CTNNA2: variants seen among roughly 807,000 people sequenced by gnomAD.
The protein encoded by CTNNA2 is catenin alpha-2.
A neutral mutation model predicts 101.0 loss-of-function variants in CTNNA2; 42 were observed. That is an observed-to-expected ratio of 0.42 (90% CI 0.32 to 0.54). CTNNA2 has a LOEUF of 0.54. CTNNA2 is among the 20% of genes least tolerant of loss of function. The pLI is 0.14. For missense variants in CTNNA2, 871 were observed against 1,223.1 expected (o/e 0.71, Z 4.29); for synonymous variants, 450 against 456.4 (o/e 0.99, Z 0.18).
Position 80,366,486 on chromosome 2 carries a change from T to A in CTNNA2, c.1057-26725T>A, listed in dbSNP as rs140726660. On this transcript the variant is annotated intron_variant, in intron 7 of 18. Transcript: ENST00000402739. The stretch of plus-strand genomic sequence containing the variant: ...CGCATTTGCATATTTGATAACTTTT[T>A]TAGGGGCAAATTCAAGGCCTGGTGT... Among the ~76,000 whole-genome samples the A allele has an allele frequency of 7.9e-5, 12 of 152,254 alleles. 1 individual carries two copies. In the East Asian group the frequency reaches 2.1e-3, roughly 27 times the overall value.
At chr2:79,295,005 G>GTGTT (rs1675943461) in intron 2 of CTNNA2, among the ~76,000 whole-genome samples, 1 of 146,040 alleles carries the variant, frequency 6.8e-6, no homozygotes, top group South Asian at 2.1e-4. Flanking sequence ...ATGTGTGTGT[G>GTGTT]TGTGTGTGTA....
At chr2:79,455,080 A>G (rs1488671349) in intron 4 of CTNNA2, among the ~76,000 whole-genome samples, 1 of 152,198 alleles carries the variant, frequency 6.6e-6, no homozygotes, top group Non-Finnish European at 1.5e-5. Flanking sequence ...TAGAACAGTA[A>G]AAAATAAAGG....
chr2:80,128,069 G>A (rs1702231301), intron 7 of CTNNA2, among the ~76,000 whole-genome samples: 1 of 151,932 alleles, frequency 6.6e-6, no homozygotes, highest in Non-Finnish European at 1.5e-5. Flanking sequence ...ATTCTTCTCG[G>A]GGGCAATGAT....
chr2:79,836,983 A>G (rs11895149), intron 3 of CTNNA2, among the ~76,000 whole-genome samples: 4,434 of 152,244 alleles, frequency 0.029, 226 homozygotes, highest in African/African-American at 0.1. Flanking sequence ...TATATCTACA[A>G]AGACCCCTGT....
intron 7 of CTNNA2, among the ~76,000 whole-genome samples, chr2:80,087,668 A>G (rs1394340903): frequency 6.6e-6 from 1 of 152,054 alleles, no homozygotes; most frequent in Non-Finnish European, 1.5e-5. Flanking sequence ...TAATGTGCAT[A>G]TACATCACCT....
chr2:79,733,733 C>A (rs1687344878), intron 2 of CTNNA2, among the ~76,000 whole-genome samples: 1 of 151,978 alleles, frequency 6.6e-6, no homozygotes, highest in South Asian at 2.1e-4. Flanking sequence ...TATTTTTAGA[C>A]AAAAATCAAT....
intron 1 of CTNNA2, among the ~76,000 whole-genome samples, chr2:79,570,210 T>C (rs116043607): frequency 0.02 from 2,991 of 152,264 alleles, 46 homozygotes; most frequent in Middle Eastern, 0.031. Flanking sequence ...GGAATATAAC[T>C]TCATCACTGT....
intron 1 of CTNNA2, among the ~76,000 whole-genome samples, chr2:79,520,222 A>T (rs1441558581): frequency 6.6e-6 from 1 of 152,178 alleles, no homozygotes; most frequent in Non-Finnish European, 1.5e-5. Flanking sequence ...CAAGATACAG[A>T]ATATATCTGT....
rs958185814 is a variant in CTNNA2 at position 80,589,183 on chromosome 2, T to C, written c.2008-121T>C. 5 of 962,046 alleles carry C rather than the reference T, an allele frequency of 5.2e-6. No homozygotes were observed. In the Admixed American group the frequency reaches 8.2e-5, roughly 16 times the overall value. 59.6% of individuals were successfully genotyped at this position (962,046 alleles called of 1,614,324 possible). A position where few individuals can be genotyped will look rare whatever the true frequency, so the allele number is the denominator to read the frequency against. On this transcript the variant is annotated intron_variant, in intron 14 of 18. Transcript: ENST00000402739. ...ATGGAGAAAGACGTGCTTTCCGGAA[T>C]GGCAGGGTAGCTCATAAGCCTTTGC...
At chr2:79,531,174 T>A (rs1672711982) in intron 1 of CTNNA2, among the ~76,000 whole-genome samples, 1 of 141,958 alleles carries the variant, frequency 7.0e-6, no homozygotes, top group South Asian at 2.3e-4. Context: ...TAGTTTTTAT[T>A]TATTAGTAAA....
At chr2:79,866,083 A>C (rs1025463589) in intron 4 of CTNNA2, among the ~76,000 whole-genome samples, 5 of 152,208 alleles carry the variant, frequency 3.3e-5, no homozygotes, top group Non-Finnish European at 4.4e-5. Context: ...TGATTTAATG[A>C]CTATCTCAAA....
chr2:80,303,174 G>C lies in CTNNA2; in HGVS notation c.1057-90037G>C. On this transcript the variant is annotated intron_variant, in intron 7 of 18. Coordinates refer to ENST00000402739, the MANE Select transcript of CTNNA2 (RefSeq NM_001282597.3). This position sits in a 1 kb window ranked among gnomAD's most constrained non-coding sequence, Gnocchi z 7.7. ...ACCTTGACCAAGTCGTTGTGCTCGA[G>C]GTGCAGCTCGGTGAGCTTAAACAAG... is the stretch of plus-strand genomic sequence containing the variant. The C allele has an allele frequency of 6.2e-7, 1 of 1,614,110 alleles. No homozygotes were observed.
intron 1 of CTNNA2, among the ~76,000 whole-genome samples, chr2:79,621,550 G>A (rs1360646314): frequency 6.6e-6 from 1 of 152,106 alleles, no homozygotes; most frequent in Admixed American, 6.6e-5. Context: ...ATAGCCCCAA[G>A]TATGAAATAA....
At chr2:79,760,926 A>G (rs577124901) in intron 3 of CTNNA2, among the ~76,000 whole-genome samples, 19 of 138,220 alleles carry the variant, frequency 1.4e-4, no homozygotes, top group Admixed American at 8.8e-4. Flanking sequence ...CTTGGGTACA[A>G]TGGAGACTCA....
intron 2 of CTNNA2, among the ~76,000 whole-genome samples, chr2:79,202,773 G>A (rs1674054523): frequency 1.4e-5 from 2 of 145,568 alleles, no homozygotes; most frequent in Non-Finnish European, 3.1e-5. Context: ...ACTACAGTCT[G>A]CATCTCTCTC....
In CTNNA2 at chr2:79,638,829, TTAAG is replaced by T. The variant is rs375508328; in HGVS notation, c.-5-12720_-5-12717del. Among the ~76,000 whole-genome samples the T allele has an allele frequency of 4.6e-3, 704 of 152,370 alleles. 5 individuals are homozygous for T. The highest frequency in any genetic ancestry group is 0.016 in the African/African-American group (657 of 41,590). On this transcript the variant is annotated intron_variant, in intron 1 of 18. Transcript: ENST00000402739. ...AAAAATACAAGTCCTTAGGTACTAATTAAGTATTTTTATAACCACTTAACTGTTG... is the reference window on the plus strand; with the variant it reads ...AAAAATACAAGTCCTTAGGTACTAATTATTTTTATAACCACTTAACTGTTG...
At chr2:80,558,321 G>C (rs191620893) in intron 12 of CTNNA2, among the ~76,000 whole-genome samples, 145 of 152,254 alleles carry the variant, frequency 9.5e-4, no homozygotes, top group African/African-American at 3.2e-3. Context: ...AAAAACTTCA[G>C]CTATTAACTC....
intron 2 of CTNNA2, among the ~76,000 whole-genome samples, chr2:79,668,253 A>AAG (rs1286168226): frequency 1.1e-5 from 1 of 89,270 alleles, no homozygotes; most frequent in Non-Finnish European, 2.2e-5. Context: ...TCTCAAAAAA[A>AAG]AAAAAAAAAA....
chr2:79,277,776 C>T (rs550585871), intron 2 of CTNNA2, among the ~76,000 whole-genome samples: 2 of 152,110 alleles, frequency 1.3e-5, no homozygotes, highest in East Asian at 3.9e-4. Context: ...GCGAATGGGA[C>T]CATCATCATT....
Sources: gnomAD v4.1 joint callset for allele counts (sites outside exome capture counted in the v4.1 genomes callset) on GRCh38, gnomAD v4.1.1 for gene constraint, Gnocchi (gnomAD v3.1) non-coding constraint, MANE v1.5 for transcripts, NCBI Gene and HGNC (gene_info 2026-07-23, HGNC 2026-07-21) for gene names.